The following UBR3 variants were observed in gnomAD, a reference collection of about 807,000 sequenced individuals.
UBR3 encodes the protein ubiquitin protein ligase E3 component n-recognin 3.
A neutral mutation model predicts 243.2 loss-of-function variants in UBR3; 85 were observed. That is an observed-to-expected ratio of 0.35 (90% confidence interval 0.29 to 0.42). The LOEUF is 0.42. UBR3 is among the 10% of genes least tolerant of loss of function. UBR3 has a pLI of 1.00. For missense variants in UBR3, 1,686 were observed against 2,300.8 expected, an observed-to-expected ratio of 0.73 and a Z score of 5.47; for synonymous variants, 748 against 799.8, an observed-to-expected ratio of 0.94 and a Z score of 1.09.
Position 169,890,540 on chromosome 2 carries a change from G to GAT in UBR3, c.1039-602_1039-601dup, listed in dbSNP as rs1188196959. Among the ~76,000 whole-genome samples, 23 of 76,020 alleles carry GAT rather than the reference G, an allele frequency of 3.0e-4. 1 individual carries two copies. Among genetic ancestry groups the GAT allele is most frequent in the African/African-American group, 1.5e-3 (23 of 15,636 alleles). The allele number at this position is 76,020 out of a possible 152,430, so 49.9% of individuals were successfully genotyped here. A position where few individuals can be genotyped will look rare whatever the true frequency, so the allele number is the denominator to read the frequency against. On this transcript the variant is annotated intron_variant, in intron 5 of 38. Transcript: ENST00000272793. Reference sequence around the variant, plus strand: ...GGTTTTTCTAGGAGAGAGAGAGAGAGATATATATATATATATATATATATG... The same window carrying GAT: ...GGTTTTTCTAGGAGAGAGAGAGAGAGATATATATATATATATATATATATATG...
intron 1 of UBR3, among the ~76,000 whole-genome samples, chr2:169,854,609 G>C (rs2082773196): frequency 6.6e-6 from 1 of 152,080 alleles, no homozygotes; most frequent in African/African-American, 2.4e-5. Flanking sequence ...ATACACAGGA[G>C]AGAGTTTATA....
intron 23 of UBR3, among the ~76,000 whole-genome samples, chr2:169,950,798 C>G (rs1055379082): frequency 2.7e-5 from 4 of 150,710 alleles, no homozygotes; most frequent in Admixed American, 6.6e-5. Flanking sequence ...ACATTGCTGA[C>G]CCTGCTGTCA....
intron 24 of UBR3, among the ~76,000 whole-genome samples, chr2:169,960,085 A>G (rs991619775): frequency 1.3e-5 from 2 of 151,978 alleles, no homozygotes; most frequent in Non-Finnish European, 2.9e-5. Flanking sequence ...ACCCGTCTCT[A>G]CTAAAAATAC....
Position 169,906,132 on chromosome 2 carries a change from AT to A in UBR3, c.1748del (p.Met583SerfsTer38). ...TGAACTTGAGGCCTGTGCACAGCCA[AT>A]GTGGGGGCTTTTATCACATTGTAAA... ...AAELEACAQPMWGLLSHCKVR... is the reference protein window; with the variant it reads ...AAELEACAQPXWGLLSHCKVR... On this transcript the variant is annotated frameshift_variant, in exon 10 of 39. Transcript: ENST00000272793. LOFTEE classifies it high-confidence loss of function. 1 of 1,549,810 alleles carries A rather than the reference AT, an allele frequency of 6.5e-7. No individual in the cohort carries two copies. The highest frequency in any genetic ancestry group is 8.7e-7 in the Non-Finnish European group (1 of 1,146,476).
chr2:169,907,095 G>GT (rs1204771602), intron 10 of UBR3, among the ~76,000 whole-genome samples: 1 of 143,446 alleles, frequency 7.0e-6, no homozygotes, highest in Non-Finnish European at 1.5e-5. Context: ...GGAGTGCAGT[G>GT]GCACCATCTC....
intron 1 of UBR3, among the ~76,000 whole-genome samples, chr2:169,860,074 C>T (rs1021534221): frequency 2.4e-4 from 36 of 152,302 alleles, no homozygotes; most frequent in African/African-American, 8.7e-4. Context: ...CTATTTCCAT[C>T]ATTATGCTTT....
intron 26 of UBR3, among the ~76,000 whole-genome samples, chr2:169,996,284 G>T (rs936040828): frequency 6.6e-6 from 1 of 152,148 alleles, no homozygotes; most frequent in African/African-American, 2.4e-5. Flanking sequence ...ACTGGGGTTT[G>T]GTCCTGATTC....
rs988932340 is a variant in UBR3, at chr2:169,881,410, C to G, written c.1038+2836C>G. 2.6e-5 allele frequency among the ~76,000 whole-genome samples: 4 copies of G among 152,018 alleles called. No individual in the cohort carries two copies. In the East Asian group the frequency reaches 7.7e-4, roughly 29 times the overall value. On this transcript the variant is annotated intron_variant, in intron 5 of 38. Transcript: ENST00000272793. ...GTCAGGCTGGTGTTGAACTCCTGAC[C>G]TCAGGTGATCCGCCCACCTTGGCCT...
At chr2:169,841,774 G>C (rs2082299850) in intron 1 of UBR3, among the ~76,000 whole-genome samples, 1 of 152,258 alleles carries the variant, frequency 6.6e-6, no homozygotes, top group Non-Finnish European at 1.5e-5. Flanking sequence ...TTCCCGCGGG[G>C]CAGGGCTCGG....
chr2:169,919,513 G>T (rs2085605148), intron 11 of UBR3, among the ~76,000 whole-genome samples: 1 of 152,192 alleles, frequency 6.6e-6, no homozygotes, highest in African/African-American at 2.4e-5. Context: ...ACTACGATCA[G>T]AGTGAACAGG....
chr2:169,986,946 C>A, intron 25 of UBR3, 152 bp downstream of exon 25: 2 of 793,592 alleles, frequency 2.5e-6, no homozygotes, highest in Non-Finnish European at 3.8e-6. Context: ...GATTCTTTAT[C>A]GGTTATATCT....
At chr2:169,841,595 TG>T (rs891472619) in intron 1 of UBR3, among the ~76,000 whole-genome samples, 15 of 152,066 alleles carry the variant, frequency 9.9e-5, no homozygotes, top group African/African-American at 2.9e-4. Flanking sequence ...GAGTTCCGGG[TG>T]GGCGTGGGCT....
At chr2:169,988,973 A>C (rs2089156509) in intron 25 of UBR3, among the ~76,000 whole-genome samples, 1 of 151,874 alleles carries the variant, frequency 6.6e-6, no homozygotes, top group African/African-American at 2.4e-5. Flanking sequence ...ATTTTGATTC[A>C]TTTCTTCTCT....
intron 35 of UBR3, among the ~76,000 whole-genome samples, chr2:170,067,819 G>C (rs561508004): frequency 2.0e-5 from 3 of 147,574 alleles, no homozygotes; most frequent in East Asian, 2.0e-4. Context: ...GCCCAGGCTC[G>C]AGGGCAGTGG....
intron 1 of UBR3, among the ~76,000 whole-genome samples, chr2:169,842,432 T>G (rs368934970): frequency 5.3e-4 from 80 of 152,286 alleles, no homozygotes; most frequent in African/African-American, 1.8e-3. Flanking sequence ...CAGGCTGCCC[T>G]AGCCAGCATT....
At chr2:169,915,192 CCTT>C (rs2085412640) in intron 11 of UBR3, among the ~76,000 whole-genome samples, 1 of 151,956 alleles carries the variant, frequency 6.6e-6, no homozygotes, top group African/African-American at 2.4e-5. Context: ...TCTCTAATCT[CCTT>C]CTGGGACATT....
At position 169,828,062 on chromosome 2, in the gene UBR3, G is replaced by T; in HGVS notation, c.545+10G>T. 7.3e-7 allele frequency: 1 copy of T among 1,363,728 alleles called. No individual in the cohort carries two copies. 84.5% of individuals were successfully genotyped at this position (1,363,728 alleles called of 1,614,324 possible). ...TGATGCGGGAGAGCGGGTGAGTGGA[G>T]CCCTCCCCGCGGGCGAGGCGACCCT... is the stretch of plus-strand genomic sequence containing the variant. On this transcript the variant is annotated intron_variant, in intron 1 of 38. Transcript: ENST00000272793.
At chr2:169,896,014 C>T (rs1054310867) in intron 7 of UBR3, among the ~76,000 whole-genome samples, 2 of 151,744 alleles carry the variant, frequency 1.3e-5, no homozygotes, top group Non-Finnish European at 2.9e-5. Flanking sequence ...AAAATAAATA[C>T]GGCTGGGCGT....
At chr2:169,870,646 TTTATTA>T (rs1276715963) in intron 1 of UBR3, among the ~76,000 whole-genome samples, 2 of 152,002 alleles carry the variant, frequency 1.3e-5, no homozygotes, top group African/African-American at 2.4e-5. Flanking sequence ...GAAACTGTCT[TTTATTA>T]TTATTATTAT....
Sources: allele counts gnomAD v4.1 joint callset (sites outside exome capture counted in the v4.1 genomes callset), GRCh38; gene constraint gnomAD v4.1.1; transcripts MANE v1.5; gene names NCBI Gene and HGNC (gene_info 2026-07-23, HGNC 2026-07-21).